FBXL17: variants seen among roughly 807,000 people sequenced by gnomAD.
FBXL17 encodes F-box and leucine rich repeat protein 17, also known as F-box/LRR-repeat protein 17.
A neutral mutation model predicts 66.2 loss-of-function variants in FBXL17; 22 were observed. That is an observed-to-expected ratio of 0.33 (90% CI 0.24 to 0.47). The LOEUF (loss-of-function observed/expected upper bound fraction) is 0.47, where lower values mean the gene tolerates loss of function less well. Ranked by LOEUF, FBXL17 falls within the 20% of genes least tolerant of loss-of-function variation. The pLI, the probability that FBXL17 is intolerant of heterozygous loss-of-function variation, is 1.00. For missense variants in FBXL17, 878 were observed against 948.2 expected, an observed-to-expected ratio of 0.93 and a Z score of 0.97; for synonymous variants, 474 against 400.5, an observed-to-expected ratio of 1.18 and a Z score of -2.19.
intron 6 of FBXL17, among the ~76,000 whole-genome samples, chr5:108,060,613 A>T (rs1198231293): frequency 6.6e-6 from 1 of 152,096 alleles, no homozygotes; most frequent in Non-Finnish European, 1.5e-5. Context: ...AGTCCCATTC[A>T]TCCTAGAAAA....
intron 4 of FBXL17, among the ~76,000 whole-genome samples, chr5:108,311,205 G>A (rs570941216): frequency 4.6e-5 from 7 of 151,574 alleles, no homozygotes; most frequent in South Asian, 2.1e-4. Flanking sequence ...GAGTCTCGCC[G>A]TTGTTACCCC....
intron 4 of FBXL17, among the ~76,000 whole-genome samples, chr5:108,308,574 G>T (rs886977856): frequency 6.6e-6 from 1 of 152,024 alleles, no homozygotes; most frequent in African/African-American, 2.4e-5. Flanking sequence ...AATTTGGGAA[G>T]AAAACCTCCG....
At chr5:108,095,600 A>G (rs1749337399) in intron 6 of FBXL17, among the ~76,000 whole-genome samples, 1 of 152,116 alleles carries the variant, frequency 6.6e-6, no homozygotes, top group African/African-American at 2.4e-5. Context: ...ATAATTTTTG[A>G]TTCTTCAACA....
At position 108,085,795 on chromosome 5, in the gene FBXL17, G is replaced by C. The variant is rs534878427; in HGVS notation, c.1746-64794C>G. ...ACAAAAAATACAAAAAAATTAGCTG[G>C]ATGTAGTGGCATGCGCCTGTAGTCC... is the stretch of plus-strand genomic sequence containing the variant. On this transcript the variant is annotated intron_variant, in intron 6 of 8. Transcript: ENST00000542267. 5.4e-4 allele frequency among the ~76,000 whole-genome samples: 82 copies of C among 152,254 alleles called. 1 individual carries two copies. Among genetic ancestry groups the C allele is most frequent in the Non-Finnish European group, 1.3e-4 (9 of 68,020 alleles).
chr5:108,134,224 CTCTTGTA>C (rs891776137), intron 6 of FBXL17, among the ~76,000 whole-genome samples: 4 of 152,108 alleles, frequency 2.6e-5, no homozygotes, highest in Non-Finnish European at 4.4e-5. Context: ...AACCCCCAAA[CTCTTGTA>C]TTTCATCTCA....
At chr5:108,021,056 G>T in intron 6 of FBXL17, 55 bp from the exon 7 acceptor site, 1 of 1,282,912 alleles carries the variant, frequency 7.8e-7, no homozygotes. Context: ...ATTAGCAGGG[G>T]TTTGAATATA....
At chr5:107,971,494 G>A (rs1752372395) in intron 7 of FBXL17, among the ~76,000 whole-genome samples, 1 of 152,060 alleles carries the variant, frequency 6.6e-6, no homozygotes, top group Non-Finnish European at 1.5e-5. Context: ...TATTTTTTAT[G>A]AGGTCCCCAT....
intron 7 of FBXL17, among the ~76,000 whole-genome samples, chr5:107,913,103 T>C (rs758662757): frequency 6.7e-6 from 1 of 149,890 alleles, no homozygotes; most frequent in African/African-American, 2.4e-5. Flanking sequence ...TTTTACACAA[T>C]AGGCTCACAA....
intron 7 of FBXL17, among the ~76,000 whole-genome samples, chr5:107,984,626 A>G (rs1752948801): frequency 6.6e-6 from 1 of 152,202 alleles, no homozygotes; most frequent in Admixed American, 6.5e-5. Flanking sequence ...AATAGAATGA[A>G]ACCATTGAAG....
chr5:107,980,664 A>ATATATATATATATTTTTTTTTTTTTTTT, intron 7 of FBXL17, among the ~76,000 whole-genome samples: 1 of 62,104 alleles, frequency 1.6e-5, no homozygotes, highest in African/African-American at 1.0e-4. Context: ...ATATATATAT[A>ATATATATATATATTTTTTTTTTTTTTTT]TTTTTTTTTT....
chr5:107,952,111 TAA>T lies in FBXL17; in HGVS notation c.1822+68812_1822+68813del, dbSNP rs11322719. 5.5e-3 allele frequency among the ~76,000 whole-genome samples: 834 copies of T among 151,688 alleles called. 9 individuals are homozygous for T. The highest frequency in any genetic ancestry group is 0.019 in the African/African-American group (802 of 41,406). On this transcript the variant is annotated intron_variant, in intron 7 of 8. Coordinates refer to ENST00000542267, the MANE Select transcript of FBXL17 (RefSeq NM_001163315.3). ...ATCGACAATAGGAAAACACAAGCATTAAAAAAAAAACTCCTTTAGTCAATTGT... is the reference window on the plus strand; with the variant it reads ...ATCGACAATAGGAAAACACAAGCATTAAAAAAAACTCCTTTAGTCAATTGT...
chr5:107,879,993 C>T lies in FBXL17; in HGVS notation c.1965+1044G>A, dbSNP rs78248400. ...CCCTTCACAATGCAAATAACTATTT[C>T]TTAGACTTGTTATAGGTAAAACATG... On this transcript the variant is annotated intron_variant, in intron 8 of 8. Transcript: ENST00000542267. The T allele has an allele frequency of 3.5e-3, 2,586 of 746,166 alleles. 66 individuals carry two copies. The African/African-American group carries it at 0.045, about 13-fold the overall frequency. 46.2% of individuals were successfully genotyped at this position (746,166 alleles called of 1,614,324 possible).
At chr5:108,293,569 T>C (rs1758209763) in intron 4 of FBXL17, among the ~76,000 whole-genome samples, 1 of 152,182 alleles carries the variant, frequency 6.6e-6, no homozygotes, top group African/African-American at 2.4e-5. Flanking sequence ...AAAATGAAGA[T>C]TATATGCTTA....
At chr5:107,920,281 T>G (rs1222689989) in intron 7 of FBXL17, among the ~76,000 whole-genome samples, 1 of 152,206 alleles carries the variant, frequency 6.6e-6, no homozygotes, top group African/African-American at 2.4e-5. Flanking sequence ...CTTGGCTCAC[T>G]GCAACCTCTG....
chr5:108,147,061 T>C (rs553319480), intron 6 of FBXL17, among the ~76,000 whole-genome samples: 2 of 152,304 alleles, frequency 1.3e-5, no homozygotes, highest in South Asian at 4.2e-4. Flanking sequence ...GGGCATTCAC[T>C]TCAACTTCTT....
chr5:108,228,063 G>A lies in FBXL17; in HGVS notation c.1507-3835C>T, dbSNP rs549848014. 6.9e-4 allele frequency among the ~76,000 whole-genome samples: 105 copies of A among 152,238 alleles called. 1 individual carries two copies. Among genetic ancestry groups the A allele is most frequent in the Non-Finnish European group, 1.2e-3 (84 of 68,010 alleles). On this transcript the variant is annotated intron_variant, in intron 4 of 8. Coordinates refer to ENST00000542267, the MANE Select transcript of FBXL17 (RefSeq NM_001163315.3). ...TCCAAGAGGCCAGAGCATTCAGAGAGAAAAAGTGGGGTTTGAAAATGTGCT... is the reference window on the plus strand; with the variant it reads ...TCCAAGAGGCCAGAGCATTCAGAGAAAAAAAGTGGGGTTTGAAAATGTGCT...
At chr5:107,946,255 T>TTTTA (rs1208616623) in intron 7 of FBXL17, among the ~76,000 whole-genome samples, 46 of 40,386 alleles carry the variant, frequency 1.1e-3, no homozygotes, top group Non-Finnish European at 1.8e-3. Context: ...CAATCTCATT[T>TTTTA]TATATATATA....
At chr5:107,997,457 G>T (rs893292644) in intron 7 of FBXL17, among the ~76,000 whole-genome samples, 2 of 152,144 alleles carry the variant, frequency 1.3e-5, no homozygotes, top group African/African-American at 4.8e-5. Context: ...CTCCACATGG[G>T]TGTCCAAGAC....
intron 5 of FBXL17, among the ~76,000 whole-genome samples, chr5:108,200,830 G>A (rs1393028443): frequency 6.6e-6 from 1 of 152,136 alleles, no homozygotes; most frequent in Non-Finnish European, 1.5e-5. Flanking sequence ...GTAAATGCCT[G>A]TAATACGTCT....
Sources: allele counts gnomAD v4.1 joint callset (sites outside exome capture counted in the v4.1 genomes callset), GRCh38; gene constraint gnomAD v4.1.1; transcripts MANE v1.5; gene names NCBI Gene and HGNC (gene_info 2026-07-23, HGNC 2026-07-21).